PHACTR3: variants seen among roughly 807,000 people sequenced by gnomAD.
The protein encoded by PHACTR3 is phosphatase and actin regulator 3.
A neutral mutation model predicts 66.8 loss-of-function variants in PHACTR3; 16 were observed. The observed-to-expected ratio is 0.24, with a 90% CI of 0.16 to 0.36. The LOEUF is 0.36. Ranked by LOEUF, PHACTR3 falls within the 10% of genes least tolerant of loss-of-function variation. The pLI, the probability that PHACTR3 is intolerant of heterozygous loss-of-function variation, is 1.00. For missense variants in PHACTR3, 647 were observed against 719.9 expected (o/e 0.90, Z 1.16); for synonymous variants, 323 against 292.1 (o/e 1.11, Z -1.08).
chr20:59,806,438 C>T (rs1025521316), intron 8 of PHACTR3, among the ~76,000 whole-genome samples: 1 of 152,248 alleles, frequency 6.6e-6, no homozygotes, highest in Non-Finnish European at 1.5e-5. Flanking sequence ...CCTCCCGTGA[C>T]AATCAAAACT....
At chr20:59,763,157 G>T (rs2040056748) in intron 4 of PHACTR3, among the ~76,000 whole-genome samples, 1 of 152,192 alleles carries the variant, frequency 6.6e-6, no homozygotes, top group East Asian at 1.9e-4. Flanking sequence ...ACAATAGTGA[G>T]TTCTCACAAG....
rs1441930941 is a variant in PHACTR3 at position 59,692,923 on chromosome 20, G to C, written c.119-50184G>C. 1.3e-5 allele frequency among the ~76,000 whole-genome samples: 2 copies of C among 152,150 alleles called. 1 individual carries two copies. Among genetic ancestry groups the C allele is most frequent in the Admixed American group, 1.3e-4 (2 of 15,268 alleles). ...CTGGGTAAGTACTCAATGAAAAAAG[G>C]TAATGGTTTTTTAACTTGTTTAATG... On this transcript the variant is annotated intron_variant, in intron 1 of 12. Coordinates refer to ENST00000371015, the MANE Select transcript of PHACTR3 (RefSeq NM_080672.5).
chr20:59,731,916 C>G (rs2038779606), intron 1 of PHACTR3, among the ~76,000 whole-genome samples: 1 of 152,126 alleles, frequency 6.6e-6, no homozygotes, highest in Non-Finnish European at 1.5e-5. Flanking sequence ...ATTATTAACA[C>G]TATTTGTCAG....
chr20:59,836,482 G>A, intron 8 of PHACTR3, 23 bp from the exon 9 acceptor site: 4 of 1,604,558 alleles, frequency 2.5e-6, no homozygotes, highest in Non-Finnish European at 3.4e-6. Flanking sequence ...GGTGCAAAAT[G>A]TAATTTTAGT....
At chr20:59,686,599 AT>A (rs1366136165) in intron 1 of PHACTR3, among the ~76,000 whole-genome samples, 1 of 151,070 alleles carries the variant, frequency 6.6e-6, no homozygotes, top group African/African-American at 2.4e-5. Flanking sequence ...GATGGTGATG[AT>A]GATGGTGGTG....
At chr20:59,765,663 G>A (rs910042036) in intron 4 of PHACTR3, among the ~76,000 whole-genome samples, 2 of 152,228 alleles carry the variant, frequency 1.3e-5, no homozygotes, top group African/African-American at 4.8e-5. Flanking sequence ...TGCAATATTT[G>A]CATCTGGTGT....
chr20:59,760,103 G>T (rs761980352), intron 4 of PHACTR3, among the ~76,000 whole-genome samples: 1 of 152,170 alleles, frequency 6.6e-6, no homozygotes, highest in Non-Finnish European at 1.5e-5. Flanking sequence ...ACAAGGGGCT[G>T]TCCTGGGTCA....
chr20:59,768,698 G>A (rs567762073), intron 5 of PHACTR3, among the ~76,000 whole-genome samples: 1 of 152,364 alleles, frequency 6.6e-6, no homozygotes, highest in East Asian at 1.9e-4. Context: ...CCAGCCCTTG[G>A]CTCTTTTCTG....
At chr20:59,647,384 G>A (rs1254844775) in intron 1 of PHACTR3, among the ~76,000 whole-genome samples, 2 of 152,092 alleles carry the variant, frequency 1.3e-5, no homozygotes, top group African/African-American at 4.8e-5. Context: ...ATTTGGGTGG[G>A]GACACAGCCA....
intron 2 of PHACTR3, among the ~76,000 whole-genome samples, chr20:59,744,772 G>A (rs546315836): frequency 1.3e-5 from 2 of 152,364 alleles, no homozygotes; most frequent in East Asian, 1.9e-4. Context: ...AGCACCTCCT[G>A]TGTGCCCAGT....
intron 7 of PHACTR3, among the ~76,000 whole-genome samples, chr20:59,805,816 C>T (rs1235662064): frequency 2.0e-5 from 3 of 152,224 alleles, no homozygotes; most frequent in Non-Finnish European, 4.4e-5. Context: ...GAGTAGGGGG[C>T]TTAGCGGACA....
chr20:59,845,411 A>C, intron 12 of PHACTR3, 146 bp downstream of exon 12: 2 of 573,550 alleles, frequency 3.5e-6, no homozygotes, highest in Non-Finnish European at 6.3e-6. Flanking sequence ...ATGTACCTCA[A>C]GTAAGAATGC....
intron 1 of PHACTR3, among the ~76,000 whole-genome samples, chr20:59,647,706 A>G (rs766969534): frequency 2.0e-5 from 3 of 152,138 alleles, no homozygotes; most frequent in African/African-American, 4.8e-5. Context: ...AGCCACACAC[A>G]CACCCTGTAC....
rs536177137 is a variant in PHACTR3, at chr20:59,696,248, G to A, written c.119-46859G>A. ...GAGAGCACTTAGGGATTCCCAAAGC[G>A]TCCAGAACAACAGTAGATGGTTATA... On this transcript the variant is annotated intron_variant, in intron 1 of 12. Coordinates refer to ENST00000371015, the MANE Select transcript of PHACTR3 (RefSeq NM_080672.5). Among the ~76,000 whole-genome samples the A allele has an allele frequency of 1.1e-3, 162 of 152,290 alleles. 1 individual carries two copies. Among genetic ancestry groups the A allele is most frequent in the Middle Eastern group, 3.4e-3 (1 of 294 alleles).
At chr20:59,833,171 T>C (rs539463482) in intron 8 of PHACTR3, among the ~76,000 whole-genome samples, 1 of 152,348 alleles carries the variant, frequency 6.6e-6, no homozygotes, top group South Asian at 2.1e-4. Context: ...TCCGGGGCTG[T>C]GTCTACCCAG....
At chr20:59,785,450 C>T (rs912939615) in intron 7 of PHACTR3, among the ~76,000 whole-genome samples, 1 of 152,202 alleles carries the variant, frequency 6.6e-6, no homozygotes, top group African/African-American at 2.4e-5. Context: ...CGGTGGTACA[C>T]AGGTGAATCA....
chr20:59,657,832 T>C (rs1334531713), intron 1 of PHACTR3, among the ~76,000 whole-genome samples: 1 of 152,184 alleles, frequency 6.6e-6, no homozygotes, highest in African/African-American at 2.4e-5. Context: ...CTGGGATGTA[T>C]AGATTAGGGT....
chr20:59,770,447 C>T (rs2040322854), intron 5 of PHACTR3, among the ~76,000 whole-genome samples: 1 of 152,218 alleles, frequency 6.6e-6, no homozygotes, highest in Non-Finnish European at 1.5e-5. Flanking sequence ...GCTTCCCTTG[C>T]TGCAGGAGGG....
intron 2 of PHACTR3, 46 bp downstream of exon 2, chr20:59,743,314 C>G: frequency 2.5e-6 from 4 of 1,605,218 alleles, no homozygotes; most frequent in Non-Finnish European, 3.4e-6. Context: ...CTGGGACCAG[C>G]GTCCTTGGCA....
Sources: gnomAD v4.1 joint callset for allele counts (sites outside exome capture counted in the v4.1 genomes callset) on GRCh38, gnomAD v4.1.1 for gene constraint, MANE v1.5 for transcripts, NCBI Gene and HGNC (gene_info 2026-07-23, HGNC 2026-07-21) for gene names.